Variants in RNF115 observed in about 807,000 individuals in gnomAD.
RNF115 encodes E3 ubiquitin-protein ligase RNF115.
RNF115 carries 31 observed loss-of-function variants against 39.2 expected under a neutral mutation model. That is an observed-to-expected ratio of 0.79 (90% CI 0.59 to 1.07). The LOEUF (loss-of-function observed/expected upper bound fraction) is 1.07, where lower values mean the gene tolerates loss of function less well. RNF115 is among the 50% of genes least tolerant of loss of function. RNF115 has a pLI of 0.00. For synonymous variants in RNF115, 124 were observed against 131.0 expected (o/e 0.95, Z 0.37); for missense variants, 384 against 381.7 (o/e 1.01, Z -0.05).
At chr1:145,788,030 C>T (rs1648474012) in intron 2 of RNF115, among the ~76,000 whole-genome samples, 1 of 152,102 alleles carries the variant, frequency 6.6e-6, no homozygotes, top group Admixed American at 6.6e-5. Context: ...AAATTCCAAG[C>T]ATTACAAACC....
chr1:145,768,472 T>C (rs1647483318), intron 4 of RNF115, among the ~76,000 whole-genome samples: 1 of 152,244 alleles, frequency 6.6e-6, no homozygotes. Context: ...ACCGCCACCA[T>C]GCCTGGTTAA....
intron 3 of RNF115, among the ~76,000 whole-genome samples, chr1:145,782,646 A>G (rs187705727): frequency 6.6e-6 from 1 of 152,318 alleles, no homozygotes; most frequent in Non-Finnish European, 1.5e-5. Context: ...TTCTTACTCA[A>G]TGCATCTCTT....
intron 1 of RNF115, among the ~76,000 whole-genome samples, chr1:145,804,880 A>G (rs1649399411): frequency 2.0e-5 from 3 of 152,186 alleles, no homozygotes; most frequent in African/African-American, 4.8e-5. Flanking sequence ...ATATTTTACC[A>G]TAATTCTGAA....
chr1:145,758,264 CAAGTA>C (rs1210451559), intron 4 of RNF115, among the ~76,000 whole-genome samples: 1 of 152,084 alleles, frequency 6.6e-6, no homozygotes, highest in Non-Finnish European at 1.5e-5. Flanking sequence ...AGCTAGCTGC[CAAGTA>C]ATATGGACAT....
intron 1 of RNF115, among the ~76,000 whole-genome samples, chr1:145,806,347 C>CA (rs1320950523): frequency 1.3e-5 from 2 of 150,862 alleles, no homozygotes; most frequent in African/African-American, 4.9e-5. Flanking sequence ...GACTCCATCT[C>CA]AAAAAAATAA....
chr1:145,761,141 G>T (rs190663714), intron 4 of RNF115, among the ~76,000 whole-genome samples: 2 of 152,202 alleles, frequency 1.3e-5, no homozygotes, highest in Non-Finnish European at 2.9e-5. Context: ...CTTGGGTGCT[G>T]TTAACCAGTT....
rs1411567235 is a variant in RNF115, at chr1:145,742,281, A to G, written c.*4585T>C. ...AAACCAGGGAGAAAGAAGCTGAAGCATGCAGGTCATGAATTATTCAATTTG... is the reference window on the plus strand; with the variant it reads ...AAACCAGGGAGAAAGAAGCTGAAGCGTGCAGGTCATGAATTATTCAATTTG... On this transcript the variant is annotated 3_prime_UTR_variant, in exon 9 of 9. Coordinates refer to ENST00000582693, the MANE Select transcript of RNF115 (RefSeq NM_014455.4). The G allele has an allele frequency of 6.6e-6, 1 of 152,220 alleles. No individual in the cohort carries two copies. Among genetic ancestry groups the G allele is most frequent in the Admixed American group, 6.5e-5 (1 of 15,290 alleles). The allele number at this position is 152,220 out of a possible 1,614,324, so 9.4% of individuals were successfully genotyped here.
At chr1:145,795,637 G>A (rs1648943342) in intron 1 of RNF115, among the ~76,000 whole-genome samples, 1 of 152,098 alleles carries the variant, frequency 6.6e-6, no homozygotes, top group African/African-American at 2.4e-5. Flanking sequence ...TCAGTTCTAG[G>A]AACCAGGCTG....
chr1:145,808,396 T>C (rs1203602824), intron 1 of RNF115, among the ~76,000 whole-genome samples: 1 of 152,202 alleles, frequency 6.6e-6, no homozygotes, highest in African/African-American at 2.4e-5. Flanking sequence ...TGGGGTATAA[T>C]GGTATCTCAT....
chr1:145,781,607 T>C (rs1312038099), intron 3 of RNF115, among the ~76,000 whole-genome samples: 2 of 152,190 alleles, frequency 1.3e-5, no homozygotes, highest in African/African-American at 4.8e-5. Flanking sequence ...ACACCTAGCA[T>C]GTATTAACTC....
rs1657768979 is a variant in RNF115 at position 145,743,812 on chromosome 1, A to G, written c.*3054T>C. ...TAAATAAATAAATAAATAAATAAAT[A>G]AATAATAATAATAATAATAATAAAT... On this transcript the variant is annotated 3_prime_UTR_variant, in exon 9 of 9. Coordinates refer to ENST00000582693, the MANE Select transcript of RNF115 (RefSeq NM_014455.4). 6.9e-6 allele frequency: 1 copy of G among 144,006 alleles called. No homozygotes were observed. Among genetic ancestry groups the G allele is most frequent in the Non-Finnish European group, 1.5e-5 (1 of 66,398 alleles). 8.9% of individuals were successfully genotyped at this position (144,006 alleles called of 1,614,324 possible).
chr1:145,743,759 C>T lies in RNF115; in HGVS notation c.*3107G>A, dbSNP rs1053369461. 6.8e-6 allele frequency: 1 copy of T among 147,460 alleles called. No individual in the cohort carries two copies. The highest frequency in any genetic ancestry group is 2.5e-5 in the African/African-American group (1 of 39,572). The allele number at this position is 147,460 out of a possible 1,614,324, so 9.1% of individuals were successfully genotyped here. A position where few individuals can be genotyped will look rare whatever the true frequency, so the allele number is the denominator to read the frequency against. On this transcript the variant is annotated 3_prime_UTR_variant, in exon 9 of 9. Transcript: ENST00000582693. ...TTGCACCACTGCACTCCAGCCTAGGCGACAGAGCAAGCCTCCATCTCAAAA... is the reference window on the plus strand; with the variant it reads ...TTGCACCACTGCACTCCAGCCTAGGTGACAGAGCAAGCCTCCATCTCAAAA...
chr1:145,746,883 C>T lies in RNF115; in HGVS notation c.898G>A (p.Asp300Asn). Residue 300 changes from aspartate to asparagine, a missense_variant, in exon 9 of 9, where the codon GAC (aspartate) becomes AAC (asparagine). Transcript: ENST00000582693. ...CTTTAGCTTCAGAAAGTCCATCGGT[C>T]ATGTAGCTGACTGTCATTGCTAAAT... Reference protein sequence around the residue: ...NRFSNDSQLHDRWTF With the variant: ...NRFSNDSQLHNRWTF The T allele has an allele frequency of 6.2e-7, 1 of 1,614,102 alleles. No homozygotes were observed. Among genetic ancestry groups the T allele is most frequent in the East Asian group, 2.2e-5 (1 of 44,878 alleles).
intron 1 of RNF115, among the ~76,000 whole-genome samples, chr1:145,818,279 A>ATAATAGCTATTCTGAC (rs1650078084): frequency 6.6e-6 from 1 of 152,034 alleles, no homozygotes; most frequent in Non-Finnish European, 1.5e-5. Context: ...TAACTTTCTA[A>ATAATAGCTATTCTGAC]TAATAGCTAT....
At chr1:145,759,204 ATCTTGACT>A (rs1553713569) in intron 4 of RNF115, among the ~76,000 whole-genome samples, 1 of 152,150 alleles carries the variant, frequency 6.6e-6, no homozygotes, top group Non-Finnish European at 1.5e-5. Context: ...GCTATTTCCT[ATCTTGACT>A]TCTTTGACCA....
At chr1:145,747,039 G>A (rs373912485) in intron 8 of RNF115, 42 bp from the exon 9 acceptor site, 3 of 1,576,224 alleles carry the variant, frequency 1.9e-6, no homozygotes, top group Non-Finnish European at 2.6e-6. Flanking sequence ...ATCCTGGCCT[G>A]AGAAGCTGGG....
intron 1 of RNF115, among the ~76,000 whole-genome samples, chr1:145,812,384 G>A (rs1389203327): frequency 3.3e-5 from 5 of 150,672 alleles, no homozygotes; most frequent in African/African-American, 1.2e-4. Context: ...CTGGCCAGGC[G>A]TGGTGGCTAA....
Position 145,808,963 on chromosome 1 carries a change from A to C in RNF115, c.102+14809T>G, listed in dbSNP as rs200352954. On this transcript the variant is annotated intron_variant, in intron 1 of 8. Transcript: ENST00000582693. ...AATTCAGCTATTAATGACTTCATTA[A>C]AGTAACTCTGCCTACAAAGCCCATC... is the stretch of plus-strand genomic sequence containing the variant. Among the ~76,000 whole-genome samples the C allele has an allele frequency of 4.6e-5, 7 of 152,308 alleles. No individual in the cohort carries two copies. The East Asian group carries it at 1.2e-3, about 25-fold the overall frequency.
Position 145,787,033 on chromosome 1 carries a change from T to C in RNF115, c.161+1875A>G, listed in dbSNP as rs16827108. 3,720 of 1,275,358 alleles carry C rather than the reference T, an allele frequency of 2.9e-3. 105 individuals carry two copies. The African/African-American group carries it at 0.052, about 18-fold the overall frequency. The allele number at this position is 1,275,358 out of a possible 1,614,324, so 79.0% of individuals were successfully genotyped here. On this transcript the variant is annotated intron_variant, in intron 2 of 8. Transcript: ENST00000582693. ...ATACTGTAAAATGTGTAGTTTTTCC[T>C]GGTTGTGGAAGGGACCTTCAACTTT...
Sources: allele counts gnomAD v4.1 joint callset (sites outside exome capture counted in the v4.1 genomes callset), GRCh38; gene constraint gnomAD v4.1.1; transcripts MANE v1.5; gene names NCBI Gene and HGNC (gene_info 2026-07-23, HGNC 2026-07-21).